ARHGAP22: variants seen among roughly 807,000 people sequenced by gnomAD.
ARHGAP22 encodes the protein Rho GTPase activating protein 22.
ARHGAP22 carries 48 observed loss-of-function variants against 59.1 expected under a neutral mutation model. The observed-to-expected ratio is 0.81, with a 90% CI of 0.64 to 1.03. ARHGAP22 has a LOEUF of 1.03. Among genes scored for constraint, ARHGAP22 ranks in the 50% least tolerant of loss-of-function variants. The probability of loss-of-function intolerance (pLI) is 0.00; values close to 1 mark genes in which losing one functional copy is unlikely to be tolerated. For missense variants in ARHGAP22, 1,015 were observed against 958.7 expected (o/e 1.06, Z -0.78); for synonymous variants, 445 against 416.4 (o/e 1.07, Z -0.84).
chr10:48,462,267 T>C (rs1350296892), intron 4 of ARHGAP22, among the ~76,000 whole-genome samples: 1 of 135,934 alleles, frequency 7.4e-6, no homozygotes, highest in Non-Finnish European at 1.6e-5. Context: ...GGCACCTGAG[T>C]GTGAGGAGAG....
At chr10:48,435,057 G>GC in the ARHGAP22 span, 12 of 421,614 alleles carry the variant, frequency 2.8e-5, no homozygotes, top group East Asian at 1.3e-4. Context: ...GGGTGGGAGG[G>GC]ATGGGGAGTC....
At chr10:48,470,570 A>T (rs2048139523) in intron 4 of ARHGAP22, among the ~76,000 whole-genome samples, 1 of 152,192 alleles carries the variant, frequency 6.6e-6, no homozygotes, top group Non-Finnish European at 1.5e-5. Context: ...CCTGCCCTCT[A>T]TGAGCCTGGA....
At chr10:48,501,688 C>A (rs2051534373) in intron 3 of ARHGAP22, among the ~76,000 whole-genome samples, 1 of 150,092 alleles carries the variant, frequency 6.7e-6, no homozygotes. Context: ...TAACTGGGAA[C>A]AACTTAACCT....
intron 3 of ARHGAP22, chr10:48,524,041 C>A: frequency 6.8e-7 from 1 of 1,475,012 alleles, no homozygotes; most frequent in Non-Finnish European, 9.0e-7. Flanking sequence ...CGCACGTGCG[C>A]GCCGGAGTTA....
chr10:48,498,393 G>A (rs2051162183), intron 3 of ARHGAP22, among the ~76,000 whole-genome samples: 1 of 152,136 alleles, frequency 6.6e-6, no homozygotes, highest in Admixed American at 6.5e-5. Context: ...GCCTCCAGGT[G>A]CTCCACATGA....
At chr10:48,472,184 G>C (rs1047923806) in intron 4 of ARHGAP22, among the ~76,000 whole-genome samples, 3 of 151,224 alleles carry the variant, frequency 2.0e-5, no homozygotes, top group Admixed American at 1.3e-4. Flanking sequence ...CTCTAGCCTG[G>C]GTGACAGAGC....
At chr10:48,561,687 A>G (rs4838422) in intron 2 of ARHGAP22, among the ~76,000 whole-genome samples, 40,497 of 152,108 alleles carry the variant, frequency 0.27, 6,055 homozygotes, top group African/African-American at 0.4. Flanking sequence ...ATTTAAACAG[A>G]TAATTACTAT....
chr10:48,578,829 T>C (rs1000187673), intron 2 of ARHGAP22, among the ~76,000 whole-genome samples: 2 of 152,178 alleles, frequency 1.3e-5, no homozygotes, highest in Admixed American at 6.5e-5. Flanking sequence ...CTGTTCCCCT[T>C]TTTTCTTAGC....
At chr10:48,499,036 G>A (rs945048058) in intron 3 of ARHGAP22, among the ~76,000 whole-genome samples, 1 of 152,214 alleles carries the variant, frequency 6.6e-6, no homozygotes, top group African/African-American at 2.4e-5. Flanking sequence ...CCTGTTGGTC[G>A]CTTGGTGGTC....
chr10:48,522,632 T>C (rs1463032280), intron 3 of ARHGAP22, among the ~76,000 whole-genome samples: 1 of 152,196 alleles, frequency 6.6e-6, no homozygotes. Context: ...TCGGGGAGCA[T>C]GCAGCAAGAC....
chr10:48,555,945 G>A (rs978891508), intron 2 of ARHGAP22, among the ~76,000 whole-genome samples: 3 of 152,192 alleles, frequency 2.0e-5, no homozygotes, highest in Non-Finnish European at 4.4e-5. Context: ...CAACATGGGG[G>A]AAAGGATCAA....
intron 1 of ARHGAP22, among the ~76,000 whole-genome samples, chr10:48,587,675 A>G (rs2059511055): frequency 6.6e-6 from 1 of 151,928 alleles, no homozygotes; most frequent in African/African-American, 2.4e-5. Flanking sequence ...TTTGCAGAGT[A>G]CTCTTTGGGG....
chr10:48,511,804 T>C (rs929763731), intron 3 of ARHGAP22, among the ~76,000 whole-genome samples: 5 of 152,244 alleles, frequency 3.3e-5, no homozygotes, highest in East Asian at 1.9e-4. Context: ...GGCCCTGGCC[T>C]GTAAGGGTCA....
rs552382736 is a variant in ARHGAP22, at chr10:48,503,325, G to A, written c.323-23561C>T. 6.8e-3 allele frequency among the ~76,000 whole-genome samples: 1,035 copies of A among 152,282 alleles called. 4 individuals carry two copies. The highest frequency in any genetic ancestry group is 0.011 in the Non-Finnish European group (737 of 68,020). Reference sequence around the variant, plus strand: ...GAGTGACCTGGAGGGAATAACGGATGGCTCAACTCATTATTCTAAGGAACA... The same window carrying A: ...GAGTGACCTGGAGGGAATAACGGATAGCTCAACTCATTATTCTAAGGAACA... On this transcript the variant is annotated intron_variant, in intron 3 of 9. Transcript: ENST00000249601.
intron 4 of ARHGAP22, among the ~76,000 whole-genome samples, chr10:48,461,590 A>C (rs1019661450): frequency 6.6e-6 from 1 of 152,228 alleles, no homozygotes; most frequent in African/African-American, 2.4e-5. Context: ...TGAAAACTAA[A>C]TATATCACTA....
chr10:48,464,849 C>T (rs184085400), intron 4 of ARHGAP22, among the ~76,000 whole-genome samples: 27 of 152,258 alleles, frequency 1.8e-4, no homozygotes, highest in Admixed American at 6.5e-4. Flanking sequence ...GCCCAGCCCC[C>T]AGGTACCACC....
downstream of ARHGAP22, among the ~76,000 whole-genome samples, chr10:48,441,094 C>G (rs1215109756): frequency 6.6e-6 from 1 of 152,154 alleles, no homozygotes; most frequent in Non-Finnish European, 1.5e-5. Context: ...ACTTACCGCT[C>G]CAGGAGTGGG....
intron 3 of ARHGAP22, among the ~76,000 whole-genome samples, chr10:48,494,162 A>C (rs2050693167): frequency 7.5e-6 from 1 of 133,678 alleles, no homozygotes; most frequent in Non-Finnish European, 1.6e-5. Context: ...TAAGGTAGAC[A>C]CATGGTCTGT....
intron 1 of ARHGAP22, among the ~76,000 whole-genome samples, chr10:48,634,405 C>T (rs74648416): frequency 6.6e-6 from 1 of 152,322 alleles, no homozygotes; most frequent in African/African-American, 2.4e-5. Context: ...GGGCGGTGAG[C>T]CTGCACTGTG....
Sources: gnomAD v4.1 joint callset for allele counts (sites outside exome capture counted in the v4.1 genomes callset) on GRCh38, gnomAD v4.1.1 for gene constraint, MANE v1.5 for transcripts, NCBI Gene and HGNC (gene_info 2026-07-23, HGNC 2026-07-21) for gene names.